Variants in MKLN1 observed in about 807,000 individuals in gnomAD.
MKLN1 encodes muskelin.
Under a neutral mutation model 99.0 loss-of-function variants are expected in MKLN1, and 18 were observed. That is an observed-to-expected ratio of 0.18 (90% confidence interval 0.13 to 0.27). The LOEUF is 0.27. Among genes scored for constraint, MKLN1 ranks in the 10% least tolerant of loss-of-function variants. The pLI is 1.00. For missense variants in MKLN1, 621 were observed against 875.9 expected (o/e 0.71, Z 3.67); for synonymous variants, 288 against 293.2 (o/e 0.98, Z 0.18).
intron 2 of MKLN1, among the ~76,000 whole-genome samples, chr7:131,192,548 T>A (rs1170588831): frequency 7.5e-6 from 1 of 133,322 alleles, no homozygotes; most frequent in Non-Finnish European, 1.5e-5. Context: ...ATATATATTA[T>A]ATATATTTTT....
chr7:131,392,557 C>T (rs974601038), intron 4 of MKLN1, among the ~76,000 whole-genome samples: 7 of 150,848 alleles, frequency 4.6e-5, no homozygotes, highest in Non-Finnish European at 8.8e-5. Flanking sequence ...TAGATGCACT[C>T]TTTCAGAATA....
At chr7:131,241,546 A>C (rs1797404099) in intron 3 of MKLN1, among the ~76,000 whole-genome samples, 1 of 152,206 alleles carries the variant, frequency 6.6e-6, no homozygotes, top group South Asian at 2.1e-4. Context: ...GTCGCTACAA[A>C]AATTTTTAAA....
chr7:131,265,000 G>A (rs1002161416), intron 3 of MKLN1, among the ~76,000 whole-genome samples: 6 of 151,992 alleles, frequency 3.9e-5, no homozygotes, highest in Non-Finnish European at 7.4e-5. Context: ...CACCATGTCT[G>A]GCTAATTTTT....
At position 131,283,328 on chromosome 7, in the gene MKLN1, TCCTTCCCTTCCCTTC is replaced by T. The variant is rs1245851181; in HGVS notation, c.-179+80357_-179+80371del. On this transcript the variant is annotated intron_variant, in intron 3 of 7. Coordinates refer to the MKLN1 transcript ENST00000416992. ...TTCCCTCCCTCCCTCCCTCCCTCCC[TCCTTCCCTTCCCTTC>T]CCCTCCTTCCTTCCTTCCTTCCTTC... 5.0e-3 allele frequency among the ~76,000 whole-genome samples: 93 copies of T among 18,542 alleles called. 1 individual carries two copies. Among genetic ancestry groups the T allele is most frequent in the African/African-American group, 0.015 (81 of 5,228 alleles). 12.2% of individuals were successfully genotyped at this position (18,542 alleles called of 152,430 possible).
intron 1 of MKLN1, among the ~76,000 whole-genome samples, chr7:131,140,615 G>A (rs61401792): frequency 1.3e-5 from 2 of 152,056 alleles, no homozygotes; most frequent in South Asian, 2.1e-4. Context: ...ACCTTCTGCC[G>A]TGAGTAAAAG....
chr7:131,307,189 G>A (rs1223928922), intron 3 of MKLN1, among the ~76,000 whole-genome samples: 2 of 152,178 alleles, frequency 1.3e-5, no homozygotes, highest in Non-Finnish European at 2.9e-5. Context: ...CTGTAGGTGT[G>A]CAGAAGGCAA....
intron 3 of MKLN1, among the ~76,000 whole-genome samples, chr7:131,247,997 C>T (rs937902628): frequency 3.3e-5 from 5 of 152,064 alleles, no homozygotes; most frequent in Admixed American, 6.6e-5. Flanking sequence ...CTCTCGGGCT[C>T]GAGCAATCCT....
At chr7:131,479,194 C>T (rs572920346) in intron 17 of MKLN1, among the ~76,000 whole-genome samples, 1 of 152,226 alleles carries the variant, frequency 6.6e-6, no homozygotes, top group African/African-American at 2.4e-5. Context: ...TTCTCAAACA[C>T]TTTAGTCTTA....
intron 3 of MKLN1, among the ~76,000 whole-genome samples, chr7:131,223,045 AT>A (rs1406166431): frequency 6.6e-6 from 1 of 152,172 alleles, no homozygotes; most frequent in African/African-American, 2.4e-5. Flanking sequence ...AGAAAAAAAA[AT>A]AAATAAATAC....
At chr7:131,443,382 G>A in intron 10 of MKLN1, 99 bp from the exon 11 acceptor site, 1 of 814,704 alleles carries the variant, frequency 1.2e-6, no homozygotes, top group Non-Finnish European at 2.1e-6. Flanking sequence ...CAAAGTTTAG[G>A]GTTTTTTTGA....
chr7:131,381,574 C>T lies in MKLN1; in HGVS notation c.169-5546C>T, dbSNP rs113076117. Among the ~76,000 whole-genome samples, 549 of 152,102 alleles carry T rather than the reference C, an allele frequency of 3.6e-3. 2 individuals are homozygous for T. Among genetic ancestry groups the T allele is most frequent in the African/African-American group, 0.013 (522 of 41,476 alleles). ...AAAAGGAGATAAAAGCATAAGAAAT[C>T]TAAAATAAATTAGAAATCAGCTGAA... On this transcript the variant is annotated intron_variant, in intron 2 of 17. Transcript: ENST00000352689.
chr7:131,419,707 T>G (rs752052229), intron 8 of MKLN1, among the ~76,000 whole-genome samples: 1 of 151,994 alleles, frequency 6.6e-6, no homozygotes, highest in Non-Finnish European at 1.5e-5. Context: ...CTACTCTTGG[T>G]TTTTTTTCCA....
At chr7:131,361,475 C>G (rs1252903751) in intron 1 of MKLN1, among the ~76,000 whole-genome samples, 1 of 151,840 alleles carries the variant, frequency 6.6e-6, no homozygotes. Flanking sequence ...TTTACATTCA[C>G]TATCTGCTCG....
intron 17 of MKLN1, among the ~76,000 whole-genome samples, chr7:131,479,917 G>A (rs987007707): frequency 2.0e-5 from 3 of 150,802 alleles, no homozygotes; most frequent in East Asian, 3.9e-4. Context: ...CCAACTACTC[G>A]GGAGGCTGAG....
intron 3 of MKLN1, among the ~76,000 whole-genome samples, chr7:131,234,810 C>T (rs1054530343): frequency 6.6e-6 from 1 of 152,200 alleles, no homozygotes; most frequent in African/African-American, 2.4e-5. Context: ...GAAATGCTGT[C>T]GTGTCAGGCT....
At chr7:131,164,390 C>T (rs1796095191) in intron 2 of MKLN1, among the ~76,000 whole-genome samples, 1 of 152,202 alleles carries the variant, frequency 6.6e-6, no homozygotes, top group Non-Finnish European at 1.5e-5. Flanking sequence ...ACTAGGATTA[C>T]AGGTGTGTGC....
chr7:131,156,898 G>A (rs973878307), intron 2 of MKLN1, among the ~76,000 whole-genome samples: 19 of 152,184 alleles, frequency 1.2e-4, no homozygotes, highest in Non-Finnish European at 2.9e-5. Context: ...AGGACAGAGA[G>A]AGTGTGTGAC....
rs1398135732 is a variant in MKLN1 at position 131,444,754 on chromosome 7, TAGTAGAAGA to T, written c.1396-1014_1396-1006del. On this transcript the variant is annotated intron_variant, in intron 11 of 17. Coordinates refer to ENST00000352689, the MANE Select transcript of MKLN1 (RefSeq NM_013255.5). ...GTAGTAGTAGTAGTAGTAGTAGTAG[TAGTAGAAGA>T]AGTAGTAGTAGTAGTAGTAGTAGTA... Among the ~76,000 whole-genome samples, 322 of 77,014 alleles carry T rather than the reference TAGTAGAAGA, an allele frequency of 4.2e-3. 1 individual carries two copies. The highest frequency in any genetic ancestry group is 0.01 in the African/African-American group (199 of 19,568). The allele number at this position is 77,014 out of a possible 152,430, so 50.5% of individuals were successfully genotyped here.
At chr7:131,213,687 T>C (rs1000959199) in intron 3 of MKLN1, among the ~76,000 whole-genome samples, 2 of 152,254 alleles carry the variant, frequency 1.3e-5, no homozygotes, top group African/African-American at 4.8e-5. Flanking sequence ...TTAGGATTCA[T>C]ATTAATATAC....
Sources: allele counts gnomAD v4.1 joint callset (sites outside exome capture counted in the v4.1 genomes callset), GRCh38; gene constraint gnomAD v4.1.1; transcripts MANE v1.5; gene names NCBI Gene and HGNC (gene_info 2026-07-23, HGNC 2026-07-21).